The following USP11 variants were observed in gnomAD, a reference collection of about 807,000 sequenced individuals.
USP11 encodes the protein ubiquitin carboxyl-terminal hydrolase 11.
USP11 carries 5 observed loss-of-function variants against 72.8 expected under a neutral mutation model. The observed-to-expected ratio is 0.07, with a 90% CI of 0.04 to 0.14. The LOEUF is 0.14. Among genes scored for constraint, USP11 ranks in the 10% least tolerant of loss-of-function variants. USP11 has a pLI of 1.00. For synonymous variants in USP11, 368 were observed against 326.5 expected, an observed-to-expected ratio of 1.13 and a Z score of -1.37; for missense variants, 480 against 794.7, an observed-to-expected ratio of 0.60 and a Z score of 4.76.
In USP11 at chrX:47,241,417, C is replaced by T. The variant is rs1308320721; in HGVS notation, c.987C>T (p.Gly329=). The T allele has an allele frequency of 8.3e-7, 1 of 1,209,369 alleles. No individual in the cohort carries two copies. Among genetic ancestry groups the T allele is most frequent in the South Asian group, 1.8e-5 (1 of 56,535 alleles). The change falls in exon 8 of 21, where the codon GGC becomes GGT. Residue 329 remains glycine (G), a synonymous_variant. Coordinates refer to ENST00000377107, the MANE Select transcript of USP11 (RefSeq NM_001371072.1). ...ACCTGGTGAAGCAGGCGTGGTCTGG[C>T]CACCACCGCTCCATTGTGCCACATG... The part of the protein sequence containing the change: ...YADLVKQAWS[G]HHRSIVPHVF...
intron 1 of USP11, among the ~76,000 whole-genome samples, chrX:47,238,133 A>G (rs1347956367): frequency 9.0e-6 from 1 of 110,957 alleles, no homozygotes; most frequent in East Asian, 2.8e-4. Flanking sequence ...AATTTACTAT[A>G]AAGCCAAAGT....
rs1569235936 is a variant in USP11 at position 47,242,474 on chromosome X, G to A, written c.1440G>A (p.Ser480=). 8.3e-6 allele frequency: 10 copies of A among 1,212,000 alleles called. 1 individual carries two copies. The highest frequency in any genetic ancestry group is 5.3e-5 in the South Asian group (3 of 57,019). The part of the protein sequence containing the change: ...RLVVPKKGKI[S]DLCVALSKHT... The stretch of plus-strand genomic sequence containing the variant: ...TGGTCCCCAAGAAAGGCAAGATCTC[G>A]GATCTATGTGTGGCTCTGTCCAAAC... Residue 480 remains serine, a synonymous_variant, in exon 11 of 21, where the codon TCG becomes TCA. Transcript: ENST00000377107.
At position 47,248,100 on chromosome X, in the gene USP11, A is replaced by G; in HGVS notation, c.*170A>G. ...GCTGCATCGCTCTCTCCCGGGAAAG[A>G]ACAGGTCGTGTCTCCTCCTAGCAGT... On this transcript the variant is annotated 3_prime_UTR_variant, in exon 21 of 21. Transcript: ENST00000377107. 1.3e-6 allele frequency: 1 copy of G among 771,393 alleles called. No individual in the cohort carries two copies. The highest frequency in any genetic ancestry group is 1.8e-6 in the Non-Finnish European group (1 of 557,298). The allele number at this position is 771,393 out of a possible 1,213,427, so 63.6% of individuals were successfully genotyped here.
At chrX:47,235,812 C>T (rs2055369717) in intron 1 of USP11, among the ~76,000 whole-genome samples, 1 of 111,235 alleles carries the variant, frequency 9.0e-6, no homozygotes, top group Non-Finnish European at 1.9e-5. Context: ...TGTTTTTCTG[C>T]CATTACGTCA....
chrX:47,242,560 C>A (rs2055409074), intron 11 of USP11, 38 bp downstream of exon 11: 1 of 1,206,562 alleles, frequency 8.3e-7, no homozygotes, highest in African/African-American at 1.8e-5. Context: ...GATTCCAGGG[C>A]AAGGAGGCAG....
rs1491566941 is a variant in USP11 at position 47,248,125 on chromosome X, TGC to T, written c.*200_*201del. 6 of 570,985 alleles carry T rather than the reference TGC, an allele frequency of 1.1e-5. No individual in the cohort carries two copies. The highest frequency in any genetic ancestry group is 4.7e-5 in the African/African-American group (2 of 42,423). 47.1% of individuals were successfully genotyped at this position (570,985 alleles called of 1,213,427 possible). A position where few individuals can be genotyped will look rare whatever the true frequency, so the allele number is the denominator to read the frequency against. ...AACAGGTCGTGTCTCCTCCTAGCAG[TGC>T]GCGCCCCGCCTGTGTTTGCCCTTCC... On this transcript the variant is annotated 3_prime_UTR_variant, in exon 21 of 21. Coordinates refer to ENST00000377107, the MANE Select transcript of USP11 (RefSeq NM_001371072.1).
chrX:47,235,587 A>G (rs967759000), intron 1 of USP11, among the ~76,000 whole-genome samples: 1 of 109,488 alleles, frequency 9.1e-6, no homozygotes, highest in Non-Finnish European at 1.9e-5. Context: ...ATGTCTTCCC[A>G]TATCTCTCCT....
In USP11 at chrX:47,247,714, CTA is replaced by C. The variant is rs762076020; in HGVS notation, c.2625+16_2625+17del. ...ATCAGATCGAGGTGTGACTTCCATC[CTA>C]CCTCCTCCCCTTCTTCCTTTCTGAT... On this transcript the variant is annotated intron_variant, in intron 20 of 20. Coordinates refer to ENST00000377107, the MANE Select transcript of USP11 (RefSeq NM_001371072.1). 4 of 1,209,784 alleles carry C rather than the reference CTA, an allele frequency of 3.3e-6. No individual in the cohort carries two copies. Among genetic ancestry groups the C allele is most frequent in the Non-Finnish European group, 4.5e-6 (4 of 894,114 alleles).
intron 12 of USP11, 29 bp downstream of exon 12, chrX:47,242,749 T>C: frequency 9.0e-7 from 1 of 1,106,667 alleles, no homozygotes; most frequent in Non-Finnish European, 1.2e-6. Flanking sequence ...GAGGTGGTGG[T>C]TCCTCAGGAA....
chrX:47,233,305 G>A, intron 1 of USP11, 86 bp downstream of exon 1: 3 of 1,076,144 alleles, frequency 2.8e-6, no homozygotes, highest in South Asian at 2.4e-5. Context: ...GAGGGCCGCG[G>A]GAAAGCTGCT....
chrX:47,241,715 A>G lies in USP11; in HGVS notation c.1179+16A>G, dbSNP rs2055404223. ...ACCGGATCAGGTAGGCTGCCCCCGC[A>G]TTTGCAGTCCAATTAACATCACCAA... On this transcript the variant is annotated intron_variant, in intron 9 of 20. Transcript: ENST00000377107. 8.5e-7 allele frequency: 1 copy of G among 1,172,007 alleles called. No homozygotes were observed. Among genetic ancestry groups the G allele is most frequent in the South Asian group, 2.0e-5 (1 of 51,245 alleles).
chrX:47,240,223 A>G (rs2055394931), intron 4 of USP11, 82 bp from the exon 5 acceptor site: 11 of 1,145,495 alleles, frequency 9.6e-6, no homozygotes, highest in Middle Eastern at 4.8e-4. Context: ...TGAGGTCCGT[A>G]GGGATGAGTC....
intron 1 of USP11, among the ~76,000 whole-genome samples, chrX:47,237,665 T>G (rs1055637718): frequency 9.0e-6 from 1 of 111,386 alleles, no homozygotes; most frequent in Non-Finnish European, 1.9e-5. Context: ...CCAGCCAATA[T>G]AATGTTATGT....
Position 47,239,872 on chromosome X carries a change from C to T in USP11, c.500C>T (p.Ser167Phe), listed in dbSNP as rs753402265. The change falls in exon 4 of 21, where the codon TCT (serine) becomes TTT (phenylalanine). Residue 167 changes from serine to phenylalanine, a missense_variant. Transcript: ENST00000377107. ...LLVRHNDLGK[S>F]HTVQFSHTDS... ...GTCCGGCACAATGATTTGGGCAAAT[C>T]TCACACTGTTCAGTTCAGCCATACC... 1.7e-6 allele frequency: 2 copies of T among 1,210,035 alleles called. No homozygotes were observed. Among genetic ancestry groups the T allele is most frequent in the African/African-American group, 1.8e-5 (1 of 57,122 alleles).
chrX:47,239,519 T>C, intron 3 of USP11, 38 bp downstream of exon 3: 1 of 1,206,456 alleles, frequency 8.3e-7, no homozygotes, highest in Non-Finnish European at 1.1e-6. Context: ...GGGGAGTGCG[T>C]AGTAAGAAAG....
In USP11 at chrX:47,241,271, C is replaced by T. The variant is rs1285041769; in HGVS notation, c.847-6C>T. On this transcript the variant is annotated splice_region_variant and splice_polypyrimidine_tract_variant and intron_variant, in intron 7 of 20. Transcript: ENST00000377107. ...GCCTCATTCACCTGGTCTCTGGCCT[C>T]TGCAGTGCCTCAGCAATGTGCCACA... The T allele has an allele frequency of 1.7e-6, 2 of 1,201,075 alleles. No homozygotes were observed. The highest frequency in any genetic ancestry group is 1.8e-5 in the South Asian group (1 of 54,480).
Position 47,247,096 on chromosome X carries a change from C to A in USP11, c.2295C>A (p.His765Gln). The change falls in exon 18 of 21, where the codon CAC becomes CAA. Residue 765 changes from histidine to glutamine, a missense_variant. Coordinates refer to ENST00000377107, the MANE Select transcript of USP11 (RefSeq NM_001371072.1). ...GGTACTGCCCTTCCTGCAAGCAGCA[C>A]CAGCTGGCAACCAAGAAGCTGGACC... ...NPWYCPSCKQ[H>Q]QLATKKLDLW... 1 of 1,211,551 alleles carries A rather than the reference C, an allele frequency of 8.3e-7. No homozygotes were observed. Among genetic ancestry groups the A allele is most frequent in the African/African-American group, 1.7e-5 (1 of 57,801 alleles).
Position 47,240,331 on chromosome X carries a change from C to T in USP11, c.562C>T (p.Arg188Trp), listed in dbSNP as rs754380001. 12 of 1,209,692 alleles carry T rather than the reference C, an allele frequency of 9.9e-6. No individual in the cohort carries two copies. Among genetic ancestry groups the T allele is most frequent in the Admixed American group, 2.2e-5 (1 of 45,768 alleles). The change falls in exon 5 of 21, where the codon CGG (arginine) becomes TGG (tryptophan). Residue 188 changes from arginine (R) to tryptophan (W), a missense_variant. By Grantham distance (101) the Arg-to-Trp change is moderately radical. Around this residue, in one of 5 missense-constraint regions of USP11, gnomAD observed 80 missense variants for 100.9 expected, o/e 0.79. Coordinates refer to ENST00000377107, the MANE Select transcript of USP11 (RefSeq NM_001371072.1). ...CCTAGTATTGCGCACAGCTCGGGAG[C>T]GGTTTCTGGTGGAGCCCCAGGAAGA... ...IGLVLRTARERFLVEPQEDTR... is the reference protein window; with the variant it reads ...IGLVLRTAREWFLVEPQEDTR...
At chrX:47,239,529 G>C (rs771148634) in intron 3 of USP11, 48 bp downstream of exon 3, 2 of 1,200,768 alleles carry the variant, frequency 1.7e-6, no homozygotes, top group Admixed American at 4.4e-5. Flanking sequence ...TAGTAAGAAA[G>C]CCTTGTAGGC....
Sources: allele counts gnomAD v4.1 joint callset (sites outside exome capture counted in the v4.1 genomes callset), GRCh38; gene constraint gnomAD v4.1.1; regional missense constraint gnomAD v4.1.1; transcripts MANE v1.5; gene names NCBI Gene and HGNC (gene_info 2026-07-23, HGNC 2026-07-21).